The following APBA2 variants were observed in gnomAD, a reference collection of about 807,000 sequenced individuals.
APBA2 encodes the protein amyloid beta precursor protein binding family A member 2.
APBA2 carries 30 observed loss-of-function variants against 75.0 expected under a neutral mutation model. The ratio of observed to expected loss-of-function variants is 0.40; its 90% CI spans 0.30 to 0.54. The LOEUF is 0.54. APBA2 is among the 20% of genes least tolerant of loss of function. The pLI, the probability that APBA2 is intolerant of heterozygous loss-of-function variation, is 0.49. For synonymous variants in APBA2, 444 were observed against 409.6 expected (o/e 1.08, Z -1.01); for missense variants, 801 against 1,016.1 (o/e 0.79, Z 2.88).
At position 29,113,940 on chromosome 15, in the gene APBA2, T is replaced by C; in HGVS notation, c.2102T>C (p.Ile701Thr). Residue 701 changes from isoleucine (I) to threonine (T), a missense_variant, in exon 14 of 15, where the codon ATC (isoleucine) becomes ACC (threonine). Coordinates refer to ENST00000683413, the MANE Select transcript of APBA2 (RefSeq NM_001353788.2). ...RGGVRVGHRI[I>T]EINGQSVVAT... is the part of the protein sequence containing the mutation. ...GGCGTCCGTGTGGGCCACCGCATCA[T>C]CGAGATCAACGGGCAGAGCGTGGTG... 2 of 1,613,494 alleles carry C rather than the reference T, an allele frequency of 1.2e-6. No homozygotes were observed. The highest frequency in any genetic ancestry group is 1.7e-6 in the Non-Finnish European group (2 of 1,180,022).
rs2042784757 is a variant in APBA2 at position 29,074,956 on chromosome 15, G to A, written c.987G>A (p.Gln329=). The A allele has an allele frequency of 6.2e-7, 1 of 1,614,204 alleles. No homozygotes were observed. Among genetic ancestry groups the A allele is most frequent in the Non-Finnish European group, 8.5e-7 (1 of 1,180,032 alleles). ...GTCTGGAGCAGCCAAGGAAGCAGCA[G>A]CGCTCTGATCTCAATGGACCTGTTG... ...CNGLEQPRKQ[Q]RSDLNGPVDN... is the part of the protein sequence containing the mutation. The change falls in exon 5 of 15, where the codon CAG becomes CAA. Residue 329 remains glutamine, a synonymous_variant. Transcript: ENST00000683413.
chr15:28,942,582 C>T (rs1395290941), intron 2 of APBA2, among the ~76,000 whole-genome samples: 1 of 152,190 alleles, frequency 6.6e-6, no homozygotes, highest in Non-Finnish European at 1.5e-5. Flanking sequence ...ACCCTGAGGT[C>T]GGTTGTTGGA....
At chr15:29,101,830 C>T (rs1456933030) in intron 10 of APBA2, 46 bp downstream of exon 10, 3 of 1,590,146 alleles carry the variant, frequency 1.9e-6, no homozygotes, top group Non-Finnish European at 2.6e-6. Flanking sequence ...AGTTCACAGC[C>T]CAGGGCGGCT....
intron 2 of APBA2, among the ~76,000 whole-genome samples, chr15:28,938,700 G>A (rs547801360): frequency 7.3e-4 from 111 of 152,202 alleles, no homozygotes; most frequent in Non-Finnish European, 1.4e-3. Context: ...GTAGAGATGG[G>A]GTTTCACCAC....
At chr15:28,889,321 G>A (rs565390242) in intron 1 of APBA2, among the ~76,000 whole-genome samples, 5 of 152,322 alleles carry the variant, frequency 3.3e-5, no homozygotes, top group South Asian at 2.1e-4. Flanking sequence ...GGAACCCTAC[G>A]TACTGGTGGG....
At chr15:29,022,366 G>A (rs1376850980) in intron 3 of APBA2, among the ~76,000 whole-genome samples, 3 of 152,024 alleles carry the variant, frequency 2.0e-5, no homozygotes, top group African/African-American at 4.8e-5. Flanking sequence ...GCATTTCCCC[G>A]ATTGGTCTTT....
At chr15:29,113,009 G>C (rs957501235) in intron 13 of APBA2, among the ~76,000 whole-genome samples, 3 of 152,174 alleles carry the variant, frequency 2.0e-5, no homozygotes, top group Non-Finnish European at 2.9e-5. Context: ...AGGTCTGTCC[G>C]TGTTGTAGCA....
At chr15:29,101,848 C>A in intron 10 of APBA2, 64 bp downstream of exon 10, 1 of 1,551,812 alleles carries the variant, frequency 6.4e-7, no homozygotes. Context: ...GCTCCAGGAT[C>A]CAGGCGCTGT....
chr15:28,984,930 T>TCTCTCC (rs1555386736), intron 2 of APBA2, among the ~76,000 whole-genome samples: 26 of 151,538 alleles, frequency 1.7e-4, no homozygotes, highest in African/African-American at 6.3e-4. Context: ...TCTCTCTCTC[T>TCTCTCC]CTCTCTCCCT....
intron 3 of APBA2, among the ~76,000 whole-genome samples, chr15:28,999,002 G>T (rs1427564212): frequency 6.6e-6 from 1 of 152,108 alleles, no homozygotes; most frequent in East Asian, 1.9e-4. Flanking sequence ...TAAAAAATTA[G>T]CTGGGTGTGG....
intron 1 of APBA2, among the ~76,000 whole-genome samples, chr15:28,910,969 G>T (rs1457795137): frequency 2.0e-5 from 3 of 152,074 alleles, no homozygotes; most frequent in Non-Finnish European, 4.4e-5. Flanking sequence ...CCAGAGAGAT[G>T]GGTCACTGAA....
chr15:29,073,746 A>ACAGTT (rs1359275087), intron 4 of APBA2, among the ~76,000 whole-genome samples: 1 of 152,224 alleles, frequency 6.6e-6, no homozygotes, highest in Non-Finnish European at 1.5e-5. Flanking sequence ...AACTGGACTT[A>ACAGTT]CCATGCAGGC....
intron 2 of APBA2, among the ~76,000 whole-genome samples, chr15:28,982,960 C>G (rs1229955295): frequency 2.0e-5 from 3 of 152,206 alleles, no homozygotes; most frequent in African/African-American, 7.2e-5. Flanking sequence ...CAAAGGTAGG[C>G]TTGCATTTGG....
chr15:29,091,768 A>G lies in APBA2; in HGVS notation c.1070-1307A>G, dbSNP rs563976824. ...GGCCAGTTGATGATTTTAGCAACAGAATGGGTTAGAGGTGAGACCAGGGAT... is the reference window on the plus strand; with the variant it reads ...GGCCAGTTGATGATTTTAGCAACAGGATGGGTTAGAGGTGAGACCAGGGAT... On this transcript the variant is annotated intron_variant, in intron 6 of 14. Coordinates refer to ENST00000683413, the MANE Select transcript of APBA2 (RefSeq NM_001353788.2). Among the ~76,000 whole-genome samples, 70 of 152,186 alleles carry G rather than the reference A, an allele frequency of 4.6e-4. 1 individual carries two copies. Among genetic ancestry groups the G allele is most frequent in the African/African-American group, 1.7e-3 (70 of 41,546 alleles).
At position 29,033,838 on chromosome 15, in the gene APBA2, G is replaced by A. The variant is rs763236919; in HGVS notation, c.-40-20007G>A. On this transcript the variant is annotated intron_variant, in intron 3 of 14. Coordinates refer to ENST00000683413, the MANE Select transcript of APBA2 (RefSeq NM_001353788.2). ...AAATTAGCCGAGCGTGGTGGCGGGC[G>A]CCTGTAGTCCCAGCTACTCGGGAAG... is the stretch of plus-strand genomic sequence containing the variant. Among the ~76,000 whole-genome samples the A allele has an allele frequency of 1.2e-3, 180 of 151,700 alleles. 1 individual carries two copies. The highest frequency in any genetic ancestry group is 4.0e-4 in the Non-Finnish European group (27 of 67,920).
chr15:28,902,842 C>G (rs1449286330), intron 1 of APBA2, among the ~76,000 whole-genome samples: 1 of 152,142 alleles, frequency 6.6e-6, no homozygotes, highest in Non-Finnish European at 1.5e-5. Context: ...GGACCCTCAC[C>G]TTTGTCATCC....
At chr15:28,941,908 CA>C (rs371915418) in intron 2 of APBA2, among the ~76,000 whole-genome samples, 1,686 of 152,310 alleles carry the variant, frequency 0.011, 45 homozygotes, top group African/African-American at 0.038. Flanking sequence ...AGGTGCCCGC[CA>C]CCACGCCTGG....
At chr15:29,081,792 GC>G (rs2043094052) in intron 6 of APBA2, among the ~76,000 whole-genome samples, 1 of 152,236 alleles carries the variant, frequency 6.6e-6, no homozygotes, top group Non-Finnish European at 1.5e-5. Flanking sequence ...GTATTAACCA[GC>G]CCCCTTGGAC....
Position 29,045,069 on chromosome 15 carries a change from TTCTCTCTCTC to T in APBA2, c.-40-8751_-40-8742del, listed in dbSNP as rs1555399868. Reference sequence around the variant, plus strand: ...CCTTCCTCTCTCCCTCCCTCCCTCCTTCTCTCTCTCTCTCTCTCTCTCTCTCTCTCTCTCG... The same window carrying T: ...CCTTCCTCTCTCCCTCCCTCCCTCCTTCTCTCTCTCTCTCTCTCTCTCTCG... On this transcript the variant is annotated intron_variant, in intron 3 of 14. Coordinates refer to ENST00000683413, the MANE Select transcript of APBA2 (RefSeq NM_001353788.2). Among the ~76,000 whole-genome samples the T allele has an allele frequency of 2.2e-4, 18 of 82,888 alleles. 1 individual carries two copies. The highest frequency in any genetic ancestry group is 4.6e-4 in the South Asian group (1 of 2,176). The allele number at this position is 82,888 out of a possible 152,430, so 54.4% of individuals were successfully genotyped here. A position where few individuals can be genotyped will look rare whatever the true frequency, so the allele number is the denominator to read the frequency against.
Sources: allele counts gnomAD v4.1 joint callset (sites outside exome capture counted in the v4.1 genomes callset), GRCh38; gene constraint gnomAD v4.1.1; transcripts MANE v1.5; gene names NCBI Gene and HGNC (gene_info 2026-07-23, HGNC 2026-07-21).